Variants in AQP9 observed in about 807,000 individuals in gnomAD.
AQP9 encodes aquaporin 9.
In AQP9, 19 loss-of-function variants were observed where a neutral mutation model predicts 23.8. That is an observed-to-expected ratio of 0.80 (90% CI 0.56 to 1.17). The LOEUF is 1.17. Ranked by LOEUF, AQP9 falls within the 50% of genes most tolerant of loss-of-function variation. AQP9 has a pLI of 0.00. For synonymous variants in AQP9, 153 were observed against 131.5 expected, an observed-to-expected ratio of 1.16 and a Z score of -1.12; for missense variants, 413 against 362.0, an observed-to-expected ratio of 1.14 and a Z score of -1.14.
chr15:58,159,275 A>T (rs1898324183), intron 1 of AQP9, among the ~76,000 whole-genome samples: 3 of 151,888 alleles, frequency 2.0e-5, no homozygotes, highest in Non-Finnish European at 4.4e-5. Context: ...CTACCCCCAA[A>T]TTAAGTTGGG....
chr15:58,168,420 T>G (rs1214336893), intron 2 of AQP9, among the ~76,000 whole-genome samples: 2 of 152,190 alleles, frequency 1.3e-5, no homozygotes, highest in African/African-American at 4.8e-5. Context: ...ATCCTGCAGT[T>G]AAGCTGGCTG....
At chr15:58,171,273 GA>G (rs1228265817) in intron 2 of AQP9, among the ~76,000 whole-genome samples, 1 of 152,086 alleles carries the variant, frequency 6.6e-6, no homozygotes, top group Non-Finnish European at 1.5e-5. Context: ...ATTTTTAGTA[GA>G]GACGGCGTTT....
At chr15:58,173,554 T>A (rs899985205) in intron 3 of AQP9, among the ~76,000 whole-genome samples, 3 of 152,066 alleles carry the variant, frequency 2.0e-5, no homozygotes, top group African/African-American at 7.2e-5. Flanking sequence ...GTGACAAAGG[T>A]GTGACCAGTA....
In AQP9 at chr15:58,185,222, A is replaced by G. The variant is rs116909438; in HGVS notation, c.*1087A>G. The G allele has an allele frequency of 6.5e-3, 986 of 152,780 alleles. 6 individuals carry two copies. The highest frequency in any genetic ancestry group is 0.012 in the Non-Finnish European group (790 of 68,036). 9.5% of individuals were successfully genotyped at this position (152,780 alleles called of 1,614,324 possible). ...ATAAAGAAACAAAATCTTAGGGAAG[A>G]TAAGTTGAGTTGTCCAAGAGCACAC... On this transcript the variant is annotated 3_prime_UTR_variant, in exon 6 of 6. Coordinates refer to ENST00000219919, the MANE Select transcript of AQP9 (RefSeq NM_020980.5).
At chr15:58,176,679 C>T (rs574041400) in intron 4 of AQP9, among the ~76,000 whole-genome samples, 6 of 149,342 alleles carry the variant, frequency 4.0e-5, no homozygotes, top group African/African-American at 1.5e-4. Flanking sequence ...GGCGTGATCT[C>T]AGCTCACTGC....
chr15:58,182,357 G>A (rs1337705594), intron 5 of AQP9, among the ~76,000 whole-genome samples: 1 of 152,106 alleles, frequency 6.6e-6, no homozygotes, highest in East Asian at 1.9e-4. Flanking sequence ...TGTGCATATA[G>A]GACTAGGCTA....
intron 4 of AQP9, among the ~76,000 whole-genome samples, chr15:58,175,317 C>T (rs1437233444): frequency 6.6e-6 from 1 of 152,214 alleles, no homozygotes; most frequent in Admixed American, 6.5e-5. Flanking sequence ...CCTGTAGACA[C>T]AAATGGACTT....
At position 58,184,423 on chromosome 15, in the gene AQP9, G is replaced by A; in HGVS notation, c.*288G>A. The A allele has an allele frequency of 3.3e-6, 1 of 306,822 alleles. No homozygotes were observed. The allele number at this position is 306,822 out of a possible 1,614,324, so 19.0% of individuals were successfully genotyped here. A position where few individuals can be genotyped will look rare whatever the true frequency, so the allele number is the denominator to read the frequency against. The stretch of plus-strand genomic sequence containing the variant: ...CTCGATGGGAATTCTTGCTAGGTAA[G>A]CACTAATAACTCGGCATCTTGACGA... On this transcript the variant is annotated 3_prime_UTR_variant, in exon 6 of 6. Transcript: ENST00000219919.
intron 1 of AQP9, among the ~76,000 whole-genome samples, chr15:58,157,639 G>T (rs1367761947): frequency 6.6e-6 from 1 of 152,108 alleles, no homozygotes; most frequent in Non-Finnish European, 1.5e-5. Context: ...AGTGTGCATT[G>T]ATAACCACAA....
intron 1 of AQP9, among the ~76,000 whole-genome samples, chr15:58,140,577 T>C (rs1897934398): frequency 6.6e-6 from 1 of 152,240 alleles, no homozygotes; most frequent in Non-Finnish European, 1.5e-5. Flanking sequence ...ACACAATTTT[T>C]TTAAACCAAG....
chr15:58,183,232 A>C (rs1178234461), intron 5 of AQP9, among the ~76,000 whole-genome samples: 5 of 152,154 alleles, frequency 3.3e-5, no homozygotes, highest in African/African-American at 1.2e-4. Context: ...TATACTGTAT[A>C]ATTTGTTTGC....
chr15:58,160,451 C>T (rs1898351978), intron 1 of AQP9, among the ~76,000 whole-genome samples: 1 of 152,012 alleles, frequency 6.6e-6, no homozygotes, highest in Admixed American at 6.6e-5. Context: ...TTATCTTTTC[C>T]TGCTTTTTCT....
chr15:58,138,431 A>T lies in AQP9; in HGVS notation c.-135A>T. On this transcript the variant is annotated 5_prime_UTR_variant, in exon 1 of 6. Coordinates refer to ENST00000219919, the MANE Select transcript of AQP9 (RefSeq NM_020980.5). ...CCTCTAATTGGAACGGCATTTGTAC[A>T]GTCAGAGACTCTTACCAGACATCTC... 1.6e-6 allele frequency: 1 copy of T among 633,262 alleles called. No individual in the cohort carries two copies. The highest frequency in any genetic ancestry group is 2.8e-5 in the East Asian group (1 of 36,060). The allele number at this position is 633,262 out of a possible 1,614,324, so 39.2% of individuals were successfully genotyped here. A position where few individuals can be genotyped will look rare whatever the true frequency, so the allele number is the denominator to read the frequency against.
rs780866084 is a variant in AQP9 at position 58,179,207 on chromosome 15, AGCCCATTGCCATCG to A, written c.579_592del (p.Ile194ProfsTer37). The A allele has an allele frequency of 1.2e-6, 2 of 1,614,012 alleles. No homozygotes were observed. Among genetic ancestry groups the A allele is most frequent in the Admixed American group, 3.3e-5 (2 of 60,000 alleles). On this transcript the variant is annotated frameshift_variant, in exon 5 of 6. Transcript: ENST00000219919. LOFTEE classifies it high-confidence loss of function. ...AACTTGGGAGCCCCCAGAGGCCTAG[AGCCCATTGCCATCG>A]GCCTCCTGATTATTGTCATTGCTTC...
intron 2 of AQP9, 22 bp downstream of exon 2, chr15:58,166,821 T>A (rs1460291327): frequency 6.2e-7 from 1 of 1,611,612 alleles, no homozygotes; most frequent in Non-Finnish European, 8.5e-7. Flanking sequence ...AAATAATGAA[T>A]GCTGCTCTTA....
chr15:58,173,168 C>G lies in AQP9; in HGVS notation c.339C>G (p.Ala113=). Residue 113 remains alanine, a synonymous_variant, in exon 3 of 6, where the codon GCC becomes GCG. Coordinates refer to ENST00000219919, the MANE Select transcript of AQP9 (RefSeq NM_020980.5). ...ATGTGGGAGCCCAGTTCTTGGGAGC[C>G]TTTGTGGGGGCTGCAACCGTCTTTG... The part of the protein sequence containing the change: ...PFYVGAQFLG[A]FVGAATVFGI... The G allele has an allele frequency of 6.2e-7, 1 of 1,614,152 alleles. No homozygotes were observed. The highest frequency in any genetic ancestry group is 8.5e-7 in the Non-Finnish European group (1 of 1,180,018).
intron 4 of AQP9, among the ~76,000 whole-genome samples, chr15:58,178,752 C>CCTTTCATTCA (rs2140632860): frequency 6.6e-6 from 1 of 152,276 alleles, no homozygotes; most frequent in Admixed American, 6.5e-5. Context: ...TTTGAACAAG[C>CCTTTCATTCA]CTTTCATTCA....
intron 5 of AQP9, among the ~76,000 whole-genome samples, chr15:58,183,260 A>G (rs1898932726): frequency 6.6e-6 from 1 of 152,190 alleles, no homozygotes; most frequent in Admixed American, 6.5e-5. Flanking sequence ...ATCCTTTCTA[A>G]GAAATTATTT....
At chr15:58,171,081 C>T (rs111715364) in intron 2 of AQP9, among the ~76,000 whole-genome samples, 4 of 150,502 alleles carry the variant, frequency 2.7e-5, no homozygotes, top group East Asian at 1.9e-4. Flanking sequence ...CGAGCCACCA[C>T]GCCCAACTAA....
Sources: allele counts gnomAD v4.1 joint callset (sites outside exome capture counted in the v4.1 genomes callset), GRCh38; gene constraint gnomAD v4.1.1; transcripts MANE v1.5; gene names NCBI Gene and HGNC (gene_info 2026-07-23, HGNC 2026-07-21).